Variants in HOXB3 observed in about 807,000 individuals in gnomAD.
The protein encoded by HOXB3 is homeobox protein Hox-B3.
A neutral mutation model predicts 29.2 loss-of-function variants in HOXB3; 17 were observed. The ratio of observed to expected loss-of-function variants is 0.58; its 90% CI spans 0.40 to 0.87. The LOEUF (loss-of-function observed/expected upper bound fraction) is 0.87, where lower values mean the gene tolerates loss of function less well. HOXB3 is among the 40% of genes least tolerant of loss of function. The probability of loss-of-function intolerance (pLI) is 0.00; values close to 1 mark genes in which losing one functional copy is unlikely to be tolerated. For synonymous variants in HOXB3, 317 were observed against 285.9 expected, an observed-to-expected ratio of 1.11 and a Z score of -1.10; for missense variants, 637 against 616.3, an observed-to-expected ratio of 1.03 and a Z score of -0.35.
chr17:48,555,991 TCA>T (rs2068973827), intron 2 of HOXB3, among the ~76,000 whole-genome samples: 1 of 151,108 alleles, frequency 6.6e-6, no homozygotes, highest in Admixed American at 6.6e-5. Context: ...ACACACACAC[TCA>T]CTCACACACA....
rs2068795261 is a variant in HOXB3 at position 48,552,499 on chromosome 17, G to A, written c.-25C>T. On this transcript the variant is annotated 5_prime_UTR_variant, in exon 4 of 5. Transcript: ENST00000498678. ...TCGCTGGGTGAGGCCTGGGCAGTGG[G>A]TGGCAACTTGGAAAGGCCTGATACC... The A allele has an allele frequency of 6.5e-7, 1 of 1,536,052 alleles. No individual in the cohort carries two copies. The highest frequency in any genetic ancestry group is 8.8e-7 in the Non-Finnish European group (1 of 1,137,290).
rs1443107121 is a variant in HOXB3 at position 48,574,007 on chromosome 17, G to A, written c.-417C>T. ...TTTTTCCCCCAACAGCCGGTCCAAGGAGATTTGCTGTTGAATAATAACAAA... is the reference window on the plus strand; with the variant it reads ...TTTTTCCCCCAACAGCCGGTCCAAGAAGATTTGCTGTTGAATAATAACAAA... On this transcript the variant is annotated 5_prime_UTR_variant, in exon 2 of 5. Coordinates refer to ENST00000498678, the MANE Select transcript of HOXB3 (RefSeq NM_001384749.1). 1.6e-6 allele frequency: 1 copy of A among 639,842 alleles called. No homozygotes were observed. Among genetic ancestry groups the A allele is most frequent in the Non-Finnish European group, 2.8e-6 (1 of 358,274 alleles). 39.6% of individuals were successfully genotyped at this position (639,842 alleles called of 1,614,324 possible).
chr17:48,580,215 C>T, intron 1 of HOXB3: 1 of 265,182 alleles, frequency 3.8e-6, no homozygotes, highest in South Asian at 3.4e-5. Context: ...GAGATGTAAA[C>T]ATTAGCTAAG....
At chr17:48,564,084 G>A (rs933532486) in intron 2 of HOXB3, among the ~76,000 whole-genome samples, 1 of 137,398 alleles carries the variant, frequency 7.3e-6, no homozygotes, top group African/African-American at 2.7e-5. Flanking sequence ...TTTCAAAGTT[G>A]CTCTCATCTT....
At chr17:48,582,252 G>A (rs1469638060) in intron 1 of HOXB3, 5 of 152,304 alleles carry the variant, frequency 3.3e-5, no homozygotes, top group Admixed American at 6.5e-5. Flanking sequence ...CGGCGCGGAG[G>A]AGAGAAAGGC....
rs763038288 is a variant in HOXB3, at chr17:48,552,103, G to A, written c.372C>T (p.Thr124=). The A allele has an allele frequency of 1.6e-5, 26 of 1,613,356 alleles. No individual in the cohort carries two copies. The highest frequency in any genetic ancestry group is 2.0e-5 in the Non-Finnish European group (24 of 1,179,632). Reference sequence around the variant, plus strand: ...TCCAGGGGAATATCTGTTTGGTGAGGGTGGAGTTGGTGCCGGGACCGCACT... The same window carrying A: ...TCCAGGGGAATATCTGTTTGGTGAGAGTGGAGTTGGTGCCGGGACCGCACT... ...PPKCGPGTNS[T]LTKQIFPWMK... is the part of the protein sequence containing the mutation. Residue 124 remains threonine (T), a synonymous_variant, in exon 4 of 5, where the codon ACC becomes ACT. Transcript: ENST00000498678.
At position 48,555,784 on chromosome 17, in the gene HOXB3, C is replaced by A. The variant is rs1189100361; in HGVS notation, c.-246-166G>T. The stretch of plus-strand genomic sequence containing the variant: ...CACTCGGCTTAGGAGCAGGGGTGCG[C>A]AGGAGGGAGGGGGTGGGGGAGCGGG... On this transcript the variant is annotated intron_variant, in intron 2 of 4. Coordinates refer to ENST00000498678, the MANE Select transcript of HOXB3 (RefSeq NM_001384749.1). Among the ~76,000 whole-genome samples the A allele has an allele frequency of 2.0e-5, 3 of 150,384 alleles. No homozygotes were observed. In the East Asian group the frequency reaches 6.1e-4, roughly 30 times the overall value.
At chr17:48,571,632 C>T (rs1282173921) in intron 2 of HOXB3, among the ~76,000 whole-genome samples, 3 of 152,160 alleles carry the variant, frequency 2.0e-5, no homozygotes, top group Non-Finnish European at 4.4e-5. Context: ...TTGTAAAGTC[C>T]TCGGCGACTA....
Position 48,550,833 on chromosome 17 carries a change from G to C in HOXB3, c.797C>G (p.Pro266Arg). 2 of 1,613,648 alleles carry C rather than the reference G, an allele frequency of 1.2e-6. No individual in the cohort carries two copies. The highest frequency in any genetic ancestry group is 1.7e-6 in the Non-Finnish European group (2 of 1,179,794). ...GCCGGCCGTGGACTGCATGGGCTGC[G>C]GGGGGCTGCCGGCTGGAGATGGGCC... ...SGGPSPAGSP[P>R]QPMQSTAGFM... Residue 266 changes from proline to arginine, a missense_variant, in exon 5 of 5, where the codon CCG becomes CGG. Physicochemically the swap from Pro to Arg is moderately radical, Grantham distance 103. Coordinates refer to ENST00000498678, the MANE Select transcript of HOXB3 (RefSeq NM_001384749.1).
chr17:48,551,695 A>C (rs1196573431), intron 4 of HOXB3, among the ~76,000 whole-genome samples: 1 of 152,216 alleles, frequency 6.6e-6, no homozygotes, highest in Non-Finnish European at 1.5e-5. Flanking sequence ...ATTAATACCC[A>C]CAGTAATCAT....
At chr17:48,581,427 C>T (rs1227883381) in intron 1 of HOXB3, 12 of 152,252 alleles carry the variant, frequency 7.9e-5, no homozygotes, top group Non-Finnish European at 1.6e-4. Flanking sequence ...AGAGTCTGGC[C>T]CAGGGCCCAC....
chr17:48,560,381 G>A (rs2069150821), intron 2 of HOXB3: 1 of 123,922 alleles, frequency 8.1e-6, no homozygotes, highest in South Asian at 2.8e-4. Flanking sequence ...GCCAGAGTCT[G>A]GGCCTGCCAG....
chr17:48,551,529 G>A (rs1384453717), intron 4 of HOXB3, among the ~76,000 whole-genome samples: 1 of 152,208 alleles, frequency 6.6e-6, no homozygotes. Context: ...CCAGGTCAGG[G>A]AAGACATTTC....
rs943725862 is a variant in HOXB3, at chr17:48,550,022, C to T, written c.*312G>A. The T allele has an allele frequency of 9.3e-6, 3 of 322,546 alleles. No homozygotes were observed. The highest frequency in any genetic ancestry group is 9.1e-5 in the Admixed American group (2 of 22,058). 20.0% of individuals were successfully genotyped at this position (322,546 alleles called of 1,614,324 possible). A position where few individuals can be genotyped will look rare whatever the true frequency, so the allele number is the denominator to read the frequency against. On this transcript the variant is annotated 3_prime_UTR_variant, in exon 5 of 5. Coordinates refer to ENST00000498678, the MANE Select transcript of HOXB3 (RefSeq NM_001384749.1). ...TGTGCTTTTCTGCCTCGTCCTGTCT[C>T]GTCTTCCTCTACCCCACTCCCGGGC...
At position 48,554,800 on chromosome 17, in the gene HOXB3, G is replaced by T. The variant is rs1161532063; in HGVS notation, c.-159+731C>A. ...AGGCGCCTTAGAAACTCCGCTTCGG[G>T]ACTTTGCTCAGCAGGGCTCCGGGTT... is the stretch of plus-strand genomic sequence containing the variant. On this transcript the variant is annotated intron_variant, in intron 3 of 4. Coordinates refer to ENST00000498678, the MANE Select transcript of HOXB3 (RefSeq NM_001384749.1). The surrounding 1 kb of genome is among the most constrained non-coding windows in gnomAD (Gnocchi z 4.1). 1 of 702,254 alleles carries T rather than the reference G, an allele frequency of 1.4e-6. No homozygotes were observed. The highest frequency in any genetic ancestry group is 2.6e-6 in the Non-Finnish European group (1 of 384,838). 43.5% of individuals were successfully genotyped at this position (702,254 alleles called of 1,614,324 possible).
chr17:48,551,879 G>A (rs1317566275), intron 4 of HOXB3, 148 bp downstream of exon 4: 17 of 731,108 alleles, frequency 2.3e-5, no homozygotes, highest in Non-Finnish European at 3.3e-5. Flanking sequence ...GGGGTCATTA[G>A]GGGGTAGGGG....
chr17:48,556,209 G>A (rs892606682), intron 2 of HOXB3, among the ~76,000 whole-genome samples: 1 of 151,704 alleles, frequency 6.6e-6, no homozygotes, highest in Non-Finnish European at 1.5e-5. Flanking sequence ...GGGAGGAAGA[G>A]GTGAGCAAAG....
chr17:48,572,636 C>G (rs1444107789), intron 2 of HOXB3, among the ~76,000 whole-genome samples: 2 of 152,168 alleles, frequency 1.3e-5, no homozygotes, highest in African/African-American at 2.4e-5. Flanking sequence ...GTGCTGTGTA[C>G]AGAGAGACAG....
At position 48,552,050 on chromosome 17, in the gene HOXB3, A is replaced by G; in HGVS notation, c.425T>C (p.Leu142Pro). Residue 142 changes from leucine to proline, a missense_variant, in exon 4 of 5, where the codon CTG (leucine) becomes CCG (proline). Coordinates refer to ENST00000498678, the MANE Select transcript of HOXB3 (RefSeq NM_001384749.1). ...WMKESRQTSK[L>P]KNNSPGTAEG... is the part of the protein sequence containing the mutation. ...ACCTGTGCCGGGGGAGTTGTTTTTC[A>G]GCTTGGACGTTTGCCTCGACTCTTT... is the stretch of plus-strand genomic sequence containing the variant. 1 of 1,584,034 alleles carries G rather than the reference A, an allele frequency of 6.3e-7. No individual in the cohort carries two copies. The highest frequency in any genetic ancestry group is 1.1e-5 in the South Asian group (1 of 87,318).
Sources: gnomAD v4.1 joint callset for allele counts (sites outside exome capture counted in the v4.1 genomes callset) on GRCh38, gnomAD v4.1.1 for gene constraint, Gnocchi (gnomAD v3.1) non-coding constraint, MANE v1.5 for transcripts, NCBI Gene and HGNC (gene_info 2026-07-23, HGNC 2026-07-21) for gene names.